The following VPS13B variants were observed in gnomAD, a reference collection of about 807,000 sequenced individuals.
VPS13B encodes vacuolar protein sorting 13 homolog B.
A neutral mutation model predicts 426.4 loss-of-function variants in VPS13B; 285 were observed. The ratio of observed to expected loss-of-function variants is 0.67; its 90% CI spans 0.61 to 0.74. The LOEUF is 0.74. VPS13B is among the 30% of genes least tolerant of loss of function. The pLI, the probability that VPS13B is intolerant of heterozygous loss-of-function variation, is 0.00. For synonymous variants in VPS13B, 1,676 were observed against 1,676.4 expected (o/e 1.00, Z 0.01); for missense variants, 4,537 against 4,782.6 (o/e 0.95, Z 1.51).
chr8:99,325,000 A>T (rs1268360898), intron 19 of VPS13B, among the ~76,000 whole-genome samples: 2 of 152,106 alleles, frequency 1.3e-5, no homozygotes, highest in Admixed American at 6.6e-5. Context: ...TCTCATTTTC[A>T]TTGAGATTCT....
At chr8:99,602,903 T>G (rs1827384543) in intron 33 of VPS13B, among the ~76,000 whole-genome samples, 1 of 152,206 alleles carries the variant, frequency 6.6e-6, no homozygotes, top group Non-Finnish European at 1.5e-5. Context: ...TGGAAAAACA[T>G]TCCATGTTCA....
chr8:99,170,675 A>G (rs940499637), intron 16 of VPS13B, among the ~76,000 whole-genome samples: 9 of 151,978 alleles, frequency 5.9e-5, no homozygotes, highest in African/African-American at 1.2e-4. Flanking sequence ...ATTGAATGCT[A>G]TATTTGGAGG....
chr8:99,598,434 G>T (rs542242919), intron 33 of VPS13B, among the ~76,000 whole-genome samples: 11 of 152,108 alleles, frequency 7.2e-5, no homozygotes, highest in African/African-American at 2.4e-4. Context: ...ATTGCCCTGG[G>T]TTACGTTCAT....
intron 42 of VPS13B, among the ~76,000 whole-genome samples, chr8:99,781,603 C>G (rs181517889): frequency 6.6e-6 from 1 of 152,226 alleles, no homozygotes; most frequent in Admixed American, 6.5e-5. Flanking sequence ...AGAAATAGTT[C>G]CCTGAGGACT....
At chr8:99,241,488 G>T (rs775088052) in intron 17 of VPS13B, 2 of 152,100 alleles carry the variant, frequency 1.3e-5, no homozygotes, top group Non-Finnish European at 2.9e-5. Flanking sequence ...TACTTGACTT[G>T]CAGGCTTTGG....
chr8:99,701,450 T>A (rs998599811), intron 36 of VPS13B, among the ~76,000 whole-genome samples: 4 of 152,156 alleles, frequency 2.6e-5, no homozygotes, highest in African/African-American at 9.7e-5. Context: ...GTTACTCATA[T>A]TTTATCCATG....
At chr8:99,765,258 GT>G (rs1388133093) in intron 39 of VPS13B, among the ~76,000 whole-genome samples, 1 of 151,970 alleles carries the variant, frequency 6.6e-6, no homozygotes, top group Admixed American at 6.6e-5. Flanking sequence ...AAGAAAAGTT[GT>G]TTTTTTCTCA....
chr8:99,641,521 T>C (rs905954510), intron 33 of VPS13B, among the ~76,000 whole-genome samples: 8 of 152,200 alleles, frequency 5.3e-5, no homozygotes, highest in Non-Finnish European at 4.4e-5. Flanking sequence ...TTAAAAGATA[T>C]ATGCTATTCT....
chr8:99,326,573 A>AT (rs1810291823), intron 19 of VPS13B, among the ~76,000 whole-genome samples: 1 of 139,966 alleles, frequency 7.1e-6, no homozygotes, highest in Non-Finnish European at 1.5e-5. Flanking sequence ...TAATTTTTGT[A>AT]TTTTTTGTAG....
At chr8:99,262,492 C>T (rs1021175352) in intron 17 of VPS13B, among the ~76,000 whole-genome samples, 11 of 152,080 alleles carry the variant, frequency 7.2e-5, no homozygotes, top group South Asian at 2.1e-4. Flanking sequence ...TATTTCCTAG[C>T]GAGCCACTTT....
At chr8:99,604,506 T>G (rs905061261) in intron 33 of VPS13B, among the ~76,000 whole-genome samples, 2 of 143,148 alleles carry the variant, frequency 1.4e-5, no homozygotes, top group African/African-American at 2.6e-5. Flanking sequence ...TTTTTTTTTT[T>G]TTTTTTTTTT....
chr8:99,276,718 AT>A (rs1818915658), intron 19 of VPS13B, among the ~76,000 whole-genome samples: 1 of 152,160 alleles, frequency 6.6e-6, no homozygotes, highest in Non-Finnish European at 1.5e-5. Context: ...GTTAATGCCT[AT>A]TTAATCATGT....
chr8:99,814,456 AG>A (rs1011914197), intron 44 of VPS13B, among the ~76,000 whole-genome samples: 41 of 152,194 alleles, frequency 2.7e-4, no homozygotes, highest in Admixed American at 1.0e-3. Flanking sequence ...GCCTGGTCTC[AG>A]GTGGCATTAA....
intron 51 of VPS13B, among the ~76,000 whole-genome samples, chr8:99,829,251 G>A (rs1030638241): frequency 4.6e-5 from 7 of 152,056 alleles, no homozygotes; most frequent in African/African-American, 1.7e-4. Context: ...ATGTAGGTTT[G>A]GTCTTTTCAC....
At chr8:99,558,561 AC>A (rs755751903) in intron 31 of VPS13B, among the ~76,000 whole-genome samples, 1 of 149,448 alleles carries the variant, frequency 6.7e-6, no homozygotes, top group East Asian at 2.0e-4. Flanking sequence ...TCTCCCCCCT[AC>A]CCCCACCCCA....
chr8:99,283,026 A>G (rs1819249688), intron 19 of VPS13B, among the ~76,000 whole-genome samples: 1 of 152,144 alleles, frequency 6.6e-6, no homozygotes, highest in African/African-American at 2.4e-5. Flanking sequence ...GCAAACAGAC[A>G]CACTCTTTTG....
chr8:99,809,346 A>T (rs1209312907), intron 43 of VPS13B, 29 bp from the exon 44 acceptor site: 1 of 1,613,828 alleles, frequency 6.2e-7, no homozygotes, highest in East Asian at 2.2e-5. Context: ...CACGTTTGGC[A>T]TTATGACGAT....
At chr8:99,170,580 A>G (rs1812275305) in intron 16 of VPS13B, among the ~76,000 whole-genome samples, 1 of 151,944 alleles carries the variant, frequency 6.6e-6, no homozygotes, top group Non-Finnish European at 1.5e-5. Flanking sequence ...AAGTATACAC[A>G]TTATGTAGAG....
intron 17 of VPS13B, among the ~76,000 whole-genome samples, chr8:99,265,822 C>T (rs1818263620): frequency 6.6e-6 from 1 of 152,176 alleles, no homozygotes; most frequent in Non-Finnish European, 1.5e-5. Context: ...GCACTTTTCT[C>T]TGTTCTACTA....
Sources: allele counts gnomAD v4.1 joint callset (sites outside exome capture counted in the v4.1 genomes callset), GRCh38; gene constraint gnomAD v4.1.1; transcripts MANE v1.5; gene names NCBI Gene and HGNC (gene_info 2026-07-23, HGNC 2026-07-21).